DPYSL4: variants seen among roughly 807,000 people sequenced by gnomAD.
DPYSL4 encodes the protein dihydropyrimidinase like 4, also known as dihydropyrimidinase-related protein 4.
A neutral mutation model predicts 63.4 loss-of-function variants in DPYSL4; 43 were observed. The observed-to-expected ratio is 0.68, with a 90% CI of 0.53 to 0.88. The LOEUF (loss-of-function observed/expected upper bound fraction) is 0.88, where lower values mean the gene tolerates loss of function less well. Among genes scored for constraint, DPYSL4 ranks in the 40% least tolerant of loss-of-function variants. DPYSL4 has a pLI of 0.00. For synonymous variants in DPYSL4, 353 were observed against 331.7 expected (o/e 1.06, Z -0.70); for missense variants, 733 against 819.5 (o/e 0.89, Z 1.29).
At chr10:132,198,174 A>G (rs1424270272) in intron 6 of DPYSL4, among the ~76,000 whole-genome samples, 1 of 152,170 alleles carries the variant, frequency 6.6e-6, no homozygotes, top group Non-Finnish European at 1.5e-5. Flanking sequence ...GGAGCCCTGC[A>G]GCCTTGGGGG....
At chr10:132,204,680 C>T (rs533350739) in intron 13 of DPYSL4, among the ~76,000 whole-genome samples, 159 bp from the exon 14 acceptor site, 7 of 152,322 alleles carry the variant, frequency 4.6e-5, no homozygotes, top group Admixed American at 1.3e-4. Flanking sequence ...GGAGTCCTGC[C>T]GGGCACCTGG....
At chr10:132,190,700 T>A in intron 1 of DPYSL4, 47 bp from the exon 2 acceptor site, 1 of 1,565,586 alleles carries the variant, frequency 6.4e-7, no homozygotes, top group Non-Finnish European at 8.8e-7. Context: ...AGAGTGTTAC[T>A]GAGTAACTCA....
At position 132,190,819 on chromosome 10, in the gene DPYSL4, GA is replaced by G. The variant is rs751255437; in HGVS notation, c.114del (p.Asp39MetfsTer3). The G allele has an allele frequency of 1.2e-6, 2 of 1,613,478 alleles. No homozygotes were observed. Among genetic ancestry groups the G allele is most frequent in the East Asian group, 4.5e-5 (2 of 44,872 alleles). On this transcript the variant is annotated frameshift_variant, in exon 2 of 14. Coordinates refer to ENST00000338492, the MANE Select transcript of DPYSL4 (RefSeq NM_006426.3). LOFTEE classifies it high-confidence loss of function. The stretch of plus-strand genomic sequence containing the variant: ...GTCCTTTTACGCTGATGTGCACGTG[GA>G]AGATGGCTTGATAAAGTAAGTTTCC... ...DQSFYADVHV[E>X]DGLIKQIGEN... is the part of the protein sequence containing the mutation.
At chr10:132,203,586 T>G in intron 12 of DPYSL4, 176 bp from the exon 13 acceptor site, 1 of 606,036 alleles carries the variant, frequency 1.7e-6, no homozygotes, top group Non-Finnish European at 2.9e-6. Context: ...GTGTGTGAAC[T>G]TGGGTTGAGC....
At chr10:132,203,723 G>A in intron 12 of DPYSL4, 39 bp from the exon 13 acceptor site, 1 of 1,561,964 alleles carries the variant, frequency 6.4e-7, no homozygotes, top group Non-Finnish European at 8.7e-7. Flanking sequence ...CCCAGGCTCA[G>A]CCCCTCATGC....
intron 13 of DPYSL4, 53 bp downstream of exon 13, chr10:132,203,980 A>G: frequency 6.4e-7 from 1 of 1,552,056 alleles, no homozygotes; most frequent in Non-Finnish European, 8.8e-7. Flanking sequence ...CGGAGCATCC[A>G]GGGCCTCAGG....
chr10:132,202,004 A>G lies in DPYSL4; in HGVS notation c.1169A>G (p.Lys390Arg), dbSNP rs536640795. 1 of 1,613,356 alleles carries G rather than the reference A, an allele frequency of 6.2e-7. No homozygotes were observed. The highest frequency in any genetic ancestry group is 2.2e-5 in the East Asian group (1 of 44,882). Residue 390 changes from lysine to arginine, a missense_variant, in exon 11 of 14, where the codon AAA becomes AGA. Coordinates refer to ENST00000338492, the MANE Select transcript of DPYSL4 (RefSeq NM_006426.3). Reference sequence around the variant, plus strand: ...GCGGTGACCAGTACAAATGCTGCCAAAATCTTCAATTTTTACCCAAGGAAG... The same window carrying G: ...GCGGTGACCAGTACAAATGCTGCCAGAATCTTCAATTTTTACCCAAGGAAG... ...FVAVTSTNAA[K>R]IFNFYPRKGR...
In DPYSL4 at chr10:132,192,854, G is replaced by C; in HGVS notation, c.313+12G>C. ...AACCACCATGATCTGTGAGTGTCTG[G>C]GTCTCCTCCTCTACAGGGGGCAGCC... On this transcript the variant is annotated intron_variant, in intron 3 of 13. Coordinates refer to ENST00000338492, the MANE Select transcript of DPYSL4 (RefSeq NM_006426.3). The C allele has an allele frequency of 6.3e-7, 1 of 1,597,758 alleles. No individual in the cohort carries two copies. The highest frequency in any genetic ancestry group is 8.5e-7 in the Non-Finnish European group (1 of 1,171,350).
chr10:132,190,739 C>T lies in DPYSL4; in HGVS notation c.40-8C>T, dbSNP rs910697494. Reference sequence around the variant, plus strand: ...TGGAGAAAAATTACCCTTTGTTGTTCCCGATAGAGTGACCGCCTTCTGATC... The same window carrying T: ...TGGAGAAAAATTACCCTTTGTTGTTTCCGATAGAGTGACCGCCTTCTGATC... On this transcript the variant is annotated splice_polypyrimidine_tract_variant and splice_region_variant and intron_variant, in intron 1 of 13. Transcript: ENST00000338492. 3 of 1,610,786 alleles carry T rather than the reference C, an allele frequency of 1.9e-6. No homozygotes were observed. The highest frequency in any genetic ancestry group is 2.5e-6 in the Non-Finnish European group (3 of 1,177,510).
At chr10:132,188,999 T>C (rs1590087278) in intron 1 of DPYSL4, among the ~76,000 whole-genome samples, 1 of 152,246 alleles carries the variant, frequency 6.6e-6, no homozygotes, top group East Asian at 1.9e-4. Flanking sequence ...ATGTCAGCAG[T>C]GAATCCTGTA....
chr10:132,199,120 T>G, intron 8 of DPYSL4, 149 bp downstream of exon 8: 1 of 1,249,614 alleles, frequency 8.0e-7, no homozygotes, highest in Non-Finnish European at 1.1e-6. Context: ...CACTGGACCC[T>G]GAGTCCCTGC....
chr10:132,204,007 G>A, intron 13 of DPYSL4, 80 bp downstream of exon 13: 3 of 1,508,508 alleles, frequency 2.0e-6, no homozygotes, highest in Middle Eastern at 1.8e-4. Context: ...GGCCCAGCCT[G>A]TGCCCAGAGG....
chr10:132,196,017 C>T (rs188102624), intron 4 of DPYSL4, among the ~76,000 whole-genome samples: 53 of 152,332 alleles, frequency 3.5e-4, no homozygotes, highest in Non-Finnish European at 5.9e-4. Flanking sequence ...CTCAGACACT[C>T]GGGGGCAGGC....
chr10:132,204,026 A>G lies in DPYSL4; in HGVS notation c.1627+99A>G, dbSNP rs1049076753. On this transcript the variant is annotated intron_variant, in intron 13 of 13. Transcript: ENST00000338492. ...CAGCCTGTGCCCAGAGGGGCTGCACACGGAAGGCACCCAGCTGGGGACTGG... is the reference window on the plus strand; with the variant it reads ...CAGCCTGTGCCCAGAGGGGCTGCACGCGGAAGGCACCCAGCTGGGGACTGG... 11 of 1,432,810 alleles carry G rather than the reference A, an allele frequency of 7.7e-6. No individual in the cohort carries two copies. In the African/African-American group the frequency reaches 1.4e-4, roughly 18 times the overall value. The allele number at this position is 1,432,810 out of a possible 1,614,324, so 88.8% of individuals were successfully genotyped here.
At position 132,203,749 on chromosome 10, in the gene DPYSL4, AC is replaced by A. The variant is rs749286203; in HGVS notation, c.1462-6del. 51 of 1,553,094 alleles carry A rather than the reference AC, an allele frequency of 3.3e-5. No homozygotes were observed. Among genetic ancestry groups the A allele is most frequent in the East Asian group, 4.6e-5 (2 of 43,412 alleles). On this transcript the variant is annotated splice_polypyrimidine_tract_variant and intron_variant, in intron 12 of 13. Transcript: ENST00000338492. The stretch of plus-strand genomic sequence containing the variant: ...CCCCTCATGCCCTGTCTCTGCCCCC[AC>A]CCCCCCGGCAGCTGGCGGAGATCCA...
In DPYSL4 at chr10:132,199,618, C is replaced by G. The variant is rs545038546; in HGVS notation, c.811+647C>G. 7.6e-5 allele frequency among the ~76,000 whole-genome samples: 11 copies of G among 144,306 alleles called. No homozygotes were observed. The South Asian group carries it at 2.4e-3, about 31-fold the overall frequency. 94.7% of individuals were successfully genotyped at this position (144,306 alleles called of 152,430 possible). ...TCTGGTTTCCCCTCCTCCTGCTGTC[C>G]GCACTGAGTCCTGAGAGACCTCGTT... is the stretch of plus-strand genomic sequence containing the variant. On this transcript the variant is annotated intron_variant, in intron 8 of 13. Transcript: ENST00000338492.
chr10:132,192,537 G>A, intron 2 of DPYSL4, 121 bp from the exon 3 acceptor site: 2 of 1,448,762 alleles, frequency 1.4e-6, no homozygotes, highest in Non-Finnish European at 1.8e-6. Flanking sequence ...GGCCGGCCGT[G>A]CTGGCCTTTT....
Position 132,204,895 on chromosome 10 carries a change from C to T in DPYSL4, c.1684C>T (p.Pro562Ser). 1.2e-6 allele frequency: 2 copies of T among 1,612,602 alleles called. No individual in the cohort carries two copies. Among genetic ancestry groups the T allele is most frequent in the Non-Finnish European group, 1.7e-6 (2 of 1,179,244 alleles). The change falls in exon 14 of 14, where the codon CCT becomes TCT. Residue 562 changes from proline to serine, a missense_variant. Pro to Ser is a moderately conservative substitution (Grantham distance 74). Coordinates refer to ENST00000338492, the MANE Select transcript of DPYSL4 (RefSeq NM_006426.3). ...RRTAQKIMAP[P>S]GGRSNITSLS ...CACAGCACAGAAGATCATGGCACCA[C>T]CTGGCGGCCGCTCCAACATCACCTC...
At chr10:132,200,575 GC>G in intron 9 of DPYSL4, 63 bp downstream of exon 9, 1 of 1,583,840 alleles carries the variant, frequency 6.3e-7, no homozygotes, top group Non-Finnish European at 8.6e-7. Context: ...CAAGGCTGTG[GC>G]CCCGACACCC....
Sources: gnomAD v4.1 joint callset for allele counts (sites outside exome capture counted in the v4.1 genomes callset) on GRCh38, gnomAD v4.1.1 for gene constraint, MANE v1.5 for transcripts, NCBI Gene and HGNC (gene_info 2026-07-23, HGNC 2026-07-21) for gene names.